The following POLR3B variants were observed in gnomAD, a reference collection of about 807,000 sequenced individuals.
The protein encoded by POLR3B is RNA polymerase III subunit B, also known as DNA-directed RNA polymerase III subunit RPC2.
A neutral mutation model predicts 147.4 loss-of-function variants in POLR3B; 96 were observed. The ratio of observed to expected loss-of-function variants is 0.65; its 90% CI spans 0.55 to 0.77. POLR3B has a LOEUF of 0.77. POLR3B is among the 30% of genes least tolerant of loss of function. The probability of loss-of-function intolerance (pLI) is 0.00; values close to 1 mark genes in which losing one functional copy is unlikely to be tolerated. For missense variants in POLR3B, 1,036 were observed against 1,413.5 expected (o/e 0.73, Z 4.28); for synonymous variants, 461 against 485.9 (o/e 0.95, Z 0.67).
At chr12:106,492,044 C>T (rs2038413572) in intron 23 of POLR3B, among the ~76,000 whole-genome samples, 1 of 152,172 alleles carries the variant, frequency 6.6e-6, no homozygotes, top group Non-Finnish European at 1.5e-5. Context: ...ACATCAAAAA[C>T]ATCTCTTGAA....
intron 23 of POLR3B, chr12:106,495,852 A>C: frequency 1.5e-6 from 1 of 669,396 alleles, no homozygotes; most frequent in Non-Finnish European, 2.7e-6. Context: ...CACAGGCTGC[A>C]GTGCCTTTCG....
At chr12:106,508,813 A>G (rs1205896253) in intron 27 of POLR3B, among the ~76,000 whole-genome samples, 1 of 152,190 alleles carries the variant, frequency 6.6e-6, no homozygotes, top group African/African-American at 2.4e-5. Context: ...TAAGTATAGT[A>G]CCTCCAACAC....
At chr12:106,427,101 A>T in intron 12 of POLR3B, 96 bp from the exon 13 acceptor site, 1 of 825,432 alleles carries the variant, frequency 1.2e-6, no homozygotes, top group Non-Finnish European at 1.9e-6. Flanking sequence ...CAGTTTCTCC[A>T]TCTTATTTTT....
At chr12:106,419,794 C>CT (rs56756383) in intron 12 of POLR3B, among the ~76,000 whole-genome samples, 51,523 of 87,532 alleles carry the variant, frequency 0.59, 17,649 homozygotes, top group East Asian at 0.87. Flanking sequence ...TTTAGTTTTG[C>CT]TTTTTTTTTT....
At chr12:106,485,418 C>G (rs1380283810) in intron 23 of POLR3B, among the ~76,000 whole-genome samples, 1 of 152,166 alleles carries the variant, frequency 6.6e-6, no homozygotes, top group Non-Finnish European at 1.5e-5. Flanking sequence ...CTTACAACTT[C>G]TAGAGCTCAC....
intron 10 of POLR3B, among the ~76,000 whole-genome samples, chr12:106,400,355 A>T (rs1173432995): frequency 6.6e-6 from 1 of 152,234 alleles, no homozygotes; most frequent in Non-Finnish European, 1.5e-5. Flanking sequence ...TGACCTAGAA[A>T]GAGACTTAGA....
At chr12:106,397,124 CAA>C (rs1261298197) in intron 10 of POLR3B, among the ~76,000 whole-genome samples, 36 of 107,814 alleles carry the variant, frequency 3.3e-4, no homozygotes, top group Middle Eastern at 5.1e-3. Flanking sequence ...GACCCTGTCT[CAA>C]AAAAAAAAAA....
intron 23 of POLR3B, among the ~76,000 whole-genome samples, chr12:106,482,535 A>C (rs570057147): frequency 3.2e-4 from 48 of 152,226 alleles, no homozygotes; most frequent in African/African-American, 7.7e-4. Flanking sequence ...TACACACTTT[A>C]AAACAACCAG....
At chr12:106,430,250 TTA>T (rs1322008706) in intron 13 of POLR3B, 21 bp from the exon 14 acceptor site, 1 of 1,590,726 alleles carries the variant, frequency 6.3e-7, no homozygotes, top group African/African-American at 1.3e-5. Context: ...AGGAATAGTC[TTA>T]TGTCTTTCAT....
intron 12 of POLR3B, among the ~76,000 whole-genome samples, chr12:106,420,136 A>G (rs2037356106): frequency 6.6e-6 from 1 of 152,174 alleles, no homozygotes; most frequent in African/African-American, 2.4e-5. Flanking sequence ...TTAGTGACCT[A>G]GACTGAAAGT....
At chr12:106,430,075 T>G (rs1413687158) in intron 13 of POLR3B, among the ~76,000 whole-genome samples, 198 bp from the exon 14 acceptor site, 1 of 152,228 alleles carries the variant, frequency 6.6e-6, no homozygotes, top group Non-Finnish European at 1.5e-5. Context: ...GTAATGTTCA[T>G]TATCTTCCTA....
chr12:106,398,386 T>A (rs1425205437), intron 10 of POLR3B, among the ~76,000 whole-genome samples: 2 of 152,196 alleles, frequency 1.3e-5, no homozygotes, highest in African/African-American at 2.4e-5. Context: ...TGCCTGCCTC[T>A]GTAGGCTCCA....
At chr12:106,380,417 A>C (rs1361044143) in intron 9 of POLR3B, among the ~76,000 whole-genome samples, 1 of 150,770 alleles carries the variant, frequency 6.6e-6, no homozygotes, top group African/African-American at 2.4e-5. Flanking sequence ...CTACCAAAAA[A>C]AAAAAAAAAA....
chr12:106,446,694 C>T (rs1478350285), intron 19 of POLR3B, among the ~76,000 whole-genome samples: 1 of 152,144 alleles, frequency 6.6e-6, no homozygotes, highest in Non-Finnish European at 1.5e-5. Flanking sequence ...ATACAATCCT[C>T]TGACGTTACT....
chr12:106,390,999 C>T lies in POLR3B; in HGVS notation c.724-2032C>T, dbSNP rs1038042025. ...AGGCTGTAGAGCACTATGATTGCAC[C>T]TGTGAATACCCACTGCCTTCAGCCA... On this transcript the variant is annotated intron_variant, in intron 9 of 27. Coordinates refer to ENST00000228347, the MANE Select transcript of POLR3B (RefSeq NM_018082.6). Among the ~76,000 whole-genome samples the T allele has an allele frequency of 4.6e-5, 7 of 152,274 alleles. No homozygotes were observed. The South Asian group carries it at 1.5e-3, about 32-fold the overall frequency.
chr12:106,423,942 C>T (rs868635099), intron 12 of POLR3B, among the ~76,000 whole-genome samples: 21 of 151,952 alleles, frequency 1.4e-4, no homozygotes, highest in Middle Eastern at 6.8e-3. Context: ...TTGCAGCCTC[C>T]GCCTCCCGGG....
intron 8 of POLR3B, among the ~76,000 whole-genome samples, chr12:106,379,074 G>A (rs1031780871): frequency 2.6e-5 from 4 of 152,142 alleles, no homozygotes; most frequent in Non-Finnish European, 4.4e-5. Context: ...AACAGTAATG[G>A]TCATTCATGG....
intron 1 of POLR3B, among the ~76,000 whole-genome samples, chr12:106,359,047 G>A (rs11831101): frequency 0.089 from 13,556 of 152,172 alleles, 659 homozygotes; most frequent in Middle Eastern, 0.13. Flanking sequence ...GCAAAACCCT[G>A]TTTCTACAAA....
At position 106,476,674 on chromosome 12, in the gene POLR3B, C is replaced by T. The variant is rs960875245; in HGVS notation, c.2713+13054C>T. On this transcript the variant is annotated intron_variant, in intron 23 of 27. Transcript: ENST00000228347. ...TTGATCGCATCAGCTCCTGAGGCTT[C>T]TGCATTCTTCACGTAGTTCTCGAGC... 1.1e-4 allele frequency among the ~76,000 whole-genome samples: 16 copies of T among 149,260 alleles called. No homozygotes were observed. In the East Asian group the frequency reaches 2.2e-3, roughly 20 times the overall value.
Sources: allele counts gnomAD v4.1 joint callset (sites outside exome capture counted in the v4.1 genomes callset), GRCh38; gene constraint gnomAD v4.1.1; transcripts MANE v1.5; gene names NCBI Gene and HGNC (gene_info 2026-07-23, HGNC 2026-07-21).